SUMF1: variants seen among roughly 807,000 people sequenced by gnomAD.
SUMF1 encodes the protein sulfatase modifying factor 1, also known as formylglycine-generating enzyme.
A neutral mutation model predicts 47.6 loss-of-function variants in SUMF1; 48 were observed. That is an observed-to-expected ratio of 1.01 (90% CI 0.80 to 1.28). The LOEUF (loss-of-function observed/expected upper bound fraction) is 1.28, where lower values mean the gene tolerates loss of function less well. SUMF1 is among the 50% of genes most tolerant of loss of function. SUMF1 has a pLI of 0.00. For missense variants in SUMF1, 571 were observed against 485.4 expected, an observed-to-expected ratio of 1.18 and a Z score of -1.66; for synonymous variants, 230 against 192.1, an observed-to-expected ratio of 1.20 and a Z score of -1.63.
chr3:4,361,920 T>C lies in SUMF1; in HGVS notation c.*224A>G. The C allele has an allele frequency of 1.3e-5, 7 of 546,094 alleles. No individual in the cohort carries two copies. The highest frequency in any genetic ancestry group is 4.1e-5 in the South Asian group (2 of 49,296). The allele number at this position is 546,094 out of a possible 1,614,324, so 33.8% of individuals were successfully genotyped here. ...CTTCCTCTTTAAAGACTCTCAAAAG[T>C]AAAATATGGTGATGATCTCCAAAGA... On this transcript the variant is annotated 3_prime_UTR_variant, in exon 9 of 9. Coordinates refer to ENST00000272902, the MANE Select transcript of SUMF1 (RefSeq NM_182760.4).
intron 8 of SUMF1, among the ~76,000 whole-genome samples, chr3:4,342,266 C>T (rs556358154): frequency 6.6e-6 from 1 of 152,352 alleles, no homozygotes; most frequent in East Asian, 1.9e-4. Context: ...GGCGCAGTGG[C>T]TCACACCTGT....
intron 8 of SUMF1, among the ~76,000 whole-genome samples, chr3:4,319,599 T>C (rs959122512): frequency 5.3e-5 from 8 of 152,230 alleles, no homozygotes; most frequent in Admixed American, 1.3e-4. Flanking sequence ...GAAGGGTCAA[T>C]TTCCATGTGT....
At chr3:4,100,601 T>C (rs563246274) in intron 8 of SUMF1, among the ~76,000 whole-genome samples, 10 of 152,124 alleles carry the variant, frequency 6.6e-5, no homozygotes, top group East Asian at 5.8e-4. Flanking sequence ...GAAACCTACA[T>C]GACAGTGGTC....
chr3:4,233,030 G>T (rs1040391458), intron 8 of SUMF1, among the ~76,000 whole-genome samples: 34 of 152,102 alleles, frequency 2.2e-4, no homozygotes, highest in African/African-American at 8.0e-4. Flanking sequence ...AAAGCCTCTG[G>T]TGTTAAGTAA....
intron 8 of SUMF1, among the ~76,000 whole-genome samples, chr3:4,111,625 G>C (rs1693308935): frequency 1.3e-5 from 2 of 151,982 alleles, no homozygotes; most frequent in South Asian, 4.2e-4. Flanking sequence ...GTTAGTCCCA[G>C]TTACTCCGGA....
At chr3:4,376,286 C>G (rs745953611) in intron 8 of SUMF1, 44 bp downstream of exon 8, 17 of 1,607,944 alleles carry the variant, frequency 1.1e-5, no homozygotes, top group Middle Eastern at 1.6e-4. Flanking sequence ...CATAAAACTG[C>G]TATCAGAACA....
intron 8 of SUMF1, among the ~76,000 whole-genome samples, chr3:4,072,496 A>T (rs1051108372): frequency 2.0e-5 from 3 of 152,210 alleles, no homozygotes; most frequent in African/African-American, 7.2e-5. Context: ...ACAAGTTGAC[A>T]GAAGTAGGCT....
At chr3:4,276,272 G>A (rs947861629) in intron 8 of SUMF1, among the ~76,000 whole-genome samples, 6 of 152,124 alleles carry the variant, frequency 3.9e-5, no homozygotes, top group Admixed American at 3.3e-4. Flanking sequence ...AGGCTATAAG[G>A]CAGCACATTA....
intron 8 of SUMF1, among the ~76,000 whole-genome samples, chr3:4,253,281 G>C (rs1460884617): frequency 2.0e-5 from 3 of 152,210 alleles, no homozygotes; most frequent in African/African-American, 7.2e-5. Flanking sequence ...AATAGGAACA[G>C]CTCCGGTCTA....
intron 8 of SUMF1, among the ~76,000 whole-genome samples, chr3:4,119,966 C>T (rs994183878): frequency 6.6e-6 from 1 of 152,084 alleles, no homozygotes; most frequent in Non-Finnish European, 1.5e-5. Context: ...GCATCATCCA[C>T]CTATGAGCTT....
At chr3:4,106,535 A>G (rs1162044497) in intron 8 of SUMF1, among the ~76,000 whole-genome samples, 1 of 152,140 alleles carries the variant, frequency 6.6e-6, no homozygotes, top group Non-Finnish European at 1.5e-5. Context: ...GGAAATTCCA[A>G]CTGTTTGAAG....
Position 4,064,526 on chromosome 3 carries a change from G to C in SUMF1, c.1191+4043C>G, listed in dbSNP as rs112880472. On this transcript the variant is annotated intron_variant and NMD_transcript_variant, in intron 9 of 12. Coordinates refer to the SUMF1 transcript ENST00000448413. The stretch of plus-strand genomic sequence containing the variant: ...TACTCAGTTGAGCCACCCATACTCT[G>C]CCTATGGAGTAGGCATTCTTTTGTT... Among the ~76,000 whole-genome samples, 876 of 152,214 alleles carry C rather than the reference G, an allele frequency of 5.8e-3. 12 individuals carry two copies. Among genetic ancestry groups the C allele is most frequent in the African/African-American group, 0.019 (798 of 41,524 alleles).
chr3:4,164,159 A>C (rs925557554), intron 8 of SUMF1, among the ~76,000 whole-genome samples: 2 of 152,162 alleles, frequency 1.3e-5, no homozygotes, highest in African/African-American at 4.8e-5. Context: ...GGCATGTGAA[A>C]AGACCAAAGT....
chr3:4,333,989 TGTG>T (rs1699098717), intron 8 of SUMF1, among the ~76,000 whole-genome samples: 1 of 151,954 alleles, frequency 6.6e-6, no homozygotes, highest in Non-Finnish European at 1.5e-5. Flanking sequence ...AGTAGCCAGA[TGTG>T]GTGGTGCACA....
chr3:4,238,324 T>C (rs1696457174), intron 8 of SUMF1, among the ~76,000 whole-genome samples: 1 of 152,230 alleles, frequency 6.6e-6, no homozygotes, highest in South Asian at 2.1e-4. Flanking sequence ...ATGTTATTTC[T>C]GGTTCTAGAT....
chr3:4,447,748 G>A (rs1232796348), intron 3 of SUMF1, among the ~76,000 whole-genome samples: 3 of 152,126 alleles, frequency 2.0e-5, no homozygotes, highest in African/African-American at 7.2e-5. Flanking sequence ...TTAAGCAAGT[G>A]ACCAACACTA....
At chr3:4,243,802 G>A (rs1036606266) in intron 8 of SUMF1, among the ~76,000 whole-genome samples, 2 of 152,154 alleles carry the variant, frequency 1.3e-5, no homozygotes, top group East Asian at 3.9e-4. Flanking sequence ...CTGAGTTCAA[G>A]TCCTGGGTAG....
intron 8 of SUMF1, among the ~76,000 whole-genome samples, chr3:4,231,939 C>T (rs1174197032): frequency 6.6e-6 from 1 of 152,024 alleles, no homozygotes; most frequent in East Asian, 1.9e-4. Flanking sequence ...GAAAAAGATG[C>T]ATTTCTTAAT....
At chr3:4,418,878 A>C (rs1406639167) in intron 4 of SUMF1, among the ~76,000 whole-genome samples, 1 of 152,152 alleles carries the variant, frequency 6.6e-6, no homozygotes, top group East Asian at 1.9e-4. Context: ...AGACTCATTC[A>C]CCCAGCACTA....
Sources: gnomAD v4.1 joint callset for allele counts (sites outside exome capture counted in the v4.1 genomes callset) on GRCh38, gnomAD v4.1.1 for gene constraint, MANE v1.5 for transcripts, NCBI Gene and HGNC (gene_info 2026-07-23, HGNC 2026-07-21) for gene names.